KCNIP4: variants seen among roughly 807,000 people sequenced by gnomAD.
KCNIP4 encodes potassium voltage-gated channel interacting protein 4, also known as Kv channel-interacting protein 4.
Under a neutral mutation model 34.0 loss-of-function variants are expected in KCNIP4, and 12 were observed. The ratio of observed to expected loss-of-function variants is 0.35; its 90% CI spans 0.23 to 0.57. The LOEUF is 0.57. KCNIP4 is among the 20% of genes least tolerant of loss of function. The probability of loss-of-function intolerance (pLI) is 0.83; values close to 1 mark genes in which losing one functional copy is unlikely to be tolerated. For synonymous variants in KCNIP4, 124 were observed against 102.2 expected, an observed-to-expected ratio of 1.21 and a Z score of -1.29; for missense variants, 238 against 311.7, an observed-to-expected ratio of 0.76 and a Z score of 1.78.
chr4:21,324,419 G>A (rs912057368), intron 1 of KCNIP4, among the ~76,000 whole-genome samples: 1 of 151,848 alleles, frequency 6.6e-6, no homozygotes, highest in African/African-American at 2.4e-5. Flanking sequence ...TTATTTGATT[G>A]TTGTATATTG....
At chr4:21,065,724 GTCTA>G (rs1278314231) in intron 1 of KCNIP4, among the ~76,000 whole-genome samples, 6 of 52,766 alleles carry the variant, frequency 1.1e-4, no homozygotes, top group African/African-American at 3.9e-4. Flanking sequence ...GGTATCATTT[GTCTA>G]TATATATATA....
intron 1 of KCNIP4, among the ~76,000 whole-genome samples, chr4:20,960,095 T>C (rs1259276543): frequency 6.6e-6 from 1 of 152,160 alleles, no homozygotes; most frequent in African/African-American, 2.4e-5. Context: ...GTGTTTATTT[T>C]TTGCATATTT....
chr4:20,841,819 A>C (rs1326726102), intron 3 of KCNIP4, among the ~76,000 whole-genome samples: 3 of 150,754 alleles, frequency 2.0e-5, no homozygotes, highest in African/African-American at 7.3e-5. Flanking sequence ...TATCCTTAGA[A>C]TAAAATACAA....
At chr4:21,290,938 A>G (rs1763413201) in intron 1 of KCNIP4, among the ~76,000 whole-genome samples, 1 of 152,204 alleles carries the variant, frequency 6.6e-6, no homozygotes, top group Non-Finnish European at 1.5e-5. Context: ...TGTATTCTTT[A>G]CAGACAATAG....
intron 1 of KCNIP4, among the ~76,000 whole-genome samples, chr4:21,447,214 G>C (rs1330667131): frequency 3.3e-5 from 5 of 152,006 alleles, no homozygotes; most frequent in Non-Finnish European, 7.4e-5. Flanking sequence ...GAAAAAGTAG[G>C]CCATGTGAAG....
intron 1 of KCNIP4, among the ~76,000 whole-genome samples, chr4:21,872,752 G>GAGATGT (rs1227279025): frequency 6.6e-6 from 1 of 152,150 alleles, no homozygotes; most frequent in Non-Finnish European, 1.5e-5. Context: ...TATGCCTGAA[G>GAGATGT]AGATGTACTG....
chr4:21,787,498 CTCTT>C (rs1485054207), intron 1 of KCNIP4, among the ~76,000 whole-genome samples: 1 of 152,166 alleles, frequency 6.6e-6, no homozygotes, highest in Non-Finnish European at 1.5e-5. Context: ...ATACTAAATG[CTCTT>C]TGTCATTTAT....
chr4:20,983,978 G>T (rs1184703012), intron 1 of KCNIP4: 2 of 1,528,174 alleles, frequency 1.3e-6, no homozygotes, highest in African/African-American at 2.8e-5. Context: ...AGTGGAGGGA[G>T]TTAATTACAG....
At chr4:21,617,507 A>G (rs112549613) in intron 1 of KCNIP4, among the ~76,000 whole-genome samples, 31 of 152,290 alleles carry the variant, frequency 2.0e-4, no homozygotes, top group African/African-American at 7.0e-4. Flanking sequence ...ACATGCTACC[A>G]TGATTCCTTT....
intron 1 of KCNIP4, among the ~76,000 whole-genome samples, chr4:21,306,181 C>G (rs753891811): frequency 1.3e-5 from 2 of 152,198 alleles, no homozygotes; most frequent in Admixed American, 6.5e-5. Flanking sequence ...ACCTAAGTAG[C>G]AGGCTCAAGG....
chr4:21,426,730 C>A (rs974296707), intron 1 of KCNIP4, among the ~76,000 whole-genome samples: 1 of 151,736 alleles, frequency 6.6e-6, no homozygotes, highest in Non-Finnish European at 1.5e-5. Flanking sequence ...CTACTAAGAG[C>A]CAGGTCACGT....
chr4:21,710,499 G>T (rs145776297), intron 1 of KCNIP4, among the ~76,000 whole-genome samples: 1 of 152,196 alleles, frequency 6.6e-6, no homozygotes, highest in Non-Finnish European at 1.5e-5. Context: ...CAGTTTTCAT[G>T]TTACACACTC....
chr4:21,728,853 G>A (rs12513386), intron 1 of KCNIP4, among the ~76,000 whole-genome samples: 45,759 of 151,792 alleles, frequency 0.3, 8,012 homozygotes, highest in East Asian at 0.68. Flanking sequence ...ACTTTTCAAT[G>A]AGACTTTCCA....
At chr4:21,576,986 T>A (rs575837806) in intron 1 of KCNIP4, among the ~76,000 whole-genome samples, 1 of 152,192 alleles carries the variant, frequency 6.6e-6, no homozygotes, top group East Asian at 1.9e-4. Flanking sequence ...ATTAGTTTTA[T>A]GATTAACTTC....
rs1029916900 is a variant in KCNIP4 at position 21,820,220 on chromosome 4, ATAAAT to A, written c.61+128346_61+128350del. On this transcript the variant is annotated intron_variant, in intron 1 of 8. Transcript: ENST00000382152. ...TATGTAATAAACAATATACAGTATA[ATAAAT>A]TATTTTAAATGACACTAGATTATAA... 1.0e-4 allele frequency among the ~76,000 whole-genome samples: 15 copies of A among 149,504 alleles called. 1 individual carries two copies. The South Asian group carries it at 2.1e-3, about 21-fold the overall frequency.
chr4:21,761,155 G>A (rs1182246917), intron 1 of KCNIP4, among the ~76,000 whole-genome samples: 3 of 152,062 alleles, frequency 2.0e-5, no homozygotes, highest in Non-Finnish European at 2.9e-5. Context: ...AGGCTGGAGT[G>A]CTGTAGCATG....
chr4:20,802,115 T>C (rs867222162), intron 3 of KCNIP4, among the ~76,000 whole-genome samples: 3 of 144,262 alleles, frequency 2.1e-5, no homozygotes, highest in Non-Finnish European at 3.0e-5. Flanking sequence ...ATATATGCTA[T>C]ATATATGCTA....
At chr4:21,843,991 T>C (rs1021593495) in intron 1 of KCNIP4, 1 of 152,054 alleles carries the variant, frequency 6.6e-6, no homozygotes, top group Non-Finnish European at 1.5e-5. Flanking sequence ...CCCCTAAGCA[T>C]AGTAACTGAA....
At chr4:21,714,051 T>C (rs1250624709) in intron 1 of KCNIP4, among the ~76,000 whole-genome samples, 1 of 152,168 alleles carries the variant, frequency 6.6e-6, no homozygotes, top group Non-Finnish European at 1.5e-5. Flanking sequence ...TGTAAATACA[T>C]CATCAGATTT....
Sources: allele counts gnomAD v4.1 joint callset (sites outside exome capture counted in the v4.1 genomes callset), GRCh38; gene constraint gnomAD v4.1.1; transcripts MANE v1.5; gene names NCBI Gene and HGNC (gene_info 2026-07-23, HGNC 2026-07-21).